Variants in LRRIQ3 observed in about 807,000 individuals in gnomAD.
LRRIQ3 encodes leucine rich repeats and IQ motif containing 3.
A neutral mutation model predicts 59.3 loss-of-function variants in LRRIQ3; 75 were observed. That is an observed-to-expected ratio of 1.26 (90% CI 1.05 to 1.53). The LOEUF is 1.53. Ranked by LOEUF, LRRIQ3 falls within the 40% of genes most tolerant of loss-of-function variation. The pLI is 0.00. For missense variants in LRRIQ3, 831 were observed against 710.0 expected (o/e 1.17, Z -1.94); for synonymous variants, 250 against 231.3 (o/e 1.08, Z -0.73).
At chr1:74,187,330 A>G (rs1251833627) in intron 1 of LRRIQ3, among the ~76,000 whole-genome samples, 2 of 144,976 alleles carry the variant, frequency 1.4e-5, no homozygotes, top group Admixed American at 1.4e-4. Flanking sequence ...AGATATATAG[A>G]TATATATATA....
chr1:74,141,265 T>C (rs1427624192), intron 4 of LRRIQ3, among the ~76,000 whole-genome samples: 5 of 151,988 alleles, frequency 3.3e-5, no homozygotes, highest in Non-Finnish European at 7.4e-5. Context: ...TCTCCAATAG[T>C]AAATTTTAAA....
chr1:74,038,002 G>A (rs918048269), intron 7 of LRRIQ3, among the ~76,000 whole-genome samples: 18 of 152,308 alleles, frequency 1.2e-4, no homozygotes, highest in African/African-American at 4.1e-4. Flanking sequence ...AGCTGCCTGA[G>A]GTCCTTAGGG....
intron 4 of LRRIQ3, among the ~76,000 whole-genome samples, chr1:74,132,817 G>C (rs1046353575): frequency 6.6e-6 from 1 of 152,156 alleles, no homozygotes; most frequent in African/African-American, 2.4e-5. Flanking sequence ...AGGACTTCAT[G>C]TCTAAAACAT....
intron 4 of LRRIQ3, among the ~76,000 whole-genome samples, chr1:74,111,630 A>T (rs1002236481): frequency 2.6e-5 from 4 of 152,054 alleles, no homozygotes; most frequent in Non-Finnish European, 5.9e-5. Context: ...TTTAAGTTAT[A>T]TATCTCTGGA....
At chr1:74,061,778 TA>T (rs1654728151) in intron 6 of LRRIQ3, among the ~76,000 whole-genome samples, 1 of 152,164 alleles carries the variant, frequency 6.6e-6, no homozygotes, top group South Asian at 2.1e-4. Flanking sequence ...CTTACACTAG[TA>T]GTCTCAGCAG....
Position 74,133,825 on chromosome 1 carries a change from C to G in LRRIQ3, c.707+21908G>C, listed in dbSNP as rs1647071933. Among the ~76,000 whole-genome samples, 4 of 151,948 alleles carry G rather than the reference C, an allele frequency of 2.6e-5. No individual in the cohort carries two copies. The South Asian group carries it at 8.3e-4, about 32-fold the overall frequency. On this transcript the variant is annotated intron_variant, in intron 4 of 7. Coordinates refer to ENST00000354431, the MANE Select transcript of LRRIQ3 (RefSeq NM_001105659.2). The stretch of plus-strand genomic sequence containing the variant: ...TGTATACATATGTAACAAACCTGCA[C>G]ATTGTGCACATGTACCCTAGAACTT...
intron 1 of LRRIQ3, among the ~76,000 whole-genome samples, chr1:74,186,667 G>T (rs1377467902): frequency 6.6e-6 from 1 of 152,044 alleles, no homozygotes; most frequent in African/African-American, 2.4e-5. Context: ...AGAGTTTGAG[G>T]AAGAAATGAA....
intron 4 of LRRIQ3, among the ~76,000 whole-genome samples, chr1:74,142,828 T>C (rs536771946): frequency 6.6e-6 from 1 of 152,078 alleles, no homozygotes; most frequent in East Asian, 1.9e-4. Flanking sequence ...ATTCTTGCCT[T>C]AAGTGCAGGA....
At chr1:74,110,792 A>G (rs1225052035) in intron 4 of LRRIQ3, among the ~76,000 whole-genome samples, 2 of 152,042 alleles carry the variant, frequency 1.3e-5, no homozygotes, top group African/African-American at 4.8e-5. Context: ...AAAATATACT[A>G]AGATAATACA....
intron 3 of LRRIQ3, among the ~76,000 whole-genome samples, chr1:74,177,730 A>G (rs545471231): frequency 6.6e-6 from 1 of 152,108 alleles, no homozygotes; most frequent in East Asian, 1.9e-4. Context: ...TATGTTTATT[A>G]CAGATCATAC....
intron 7 of LRRIQ3, among the ~76,000 whole-genome samples, chr1:74,035,657 T>A (rs558698314): frequency 6.6e-6 from 1 of 152,268 alleles, no homozygotes; most frequent in Non-Finnish European, 1.5e-5. Context: ...AATACATGTG[T>A]AAAATGCAAT....
intron 6 of LRRIQ3, among the ~76,000 whole-genome samples, chr1:74,064,095 T>G (rs1465048415): frequency 1.3e-5 from 2 of 151,832 alleles, no homozygotes; most frequent in Non-Finnish European, 2.9e-5. Flanking sequence ...CCCACTTTTG[T>G]GCATATTTAG....
chr1:74,105,948 T>C (rs890518214), intron 5 of LRRIQ3, among the ~76,000 whole-genome samples: 1 of 151,954 alleles, frequency 6.6e-6, no homozygotes, highest in East Asian at 1.9e-4. Flanking sequence ...TACAAAGCCA[T>C]AGAGTACAAG....
rs762558958 is a variant in LRRIQ3 at position 74,183,466 on chromosome 1, T to C, written c.219A>G (p.Lys73=). ...TDIHPLQSCI[K]LIKLDLHGNQ... is the part of the protein sequence containing the mutation. ...TTCCATGGAGATCAAGTTTGATTAA[T>C]TTTATACAACTTTGAAGTGGATGAA... is the stretch of plus-strand genomic sequence containing the variant. The change falls in exon 2 of 8, where the codon AAA becomes AAG. Residue 73 remains lysine (K), a synonymous_variant. Coordinates refer to ENST00000354431, the MANE Select transcript of LRRIQ3 (RefSeq NM_001105659.2). 8.8e-6 allele frequency: 14 copies of C among 1,596,090 alleles called. No individual in the cohort carries two copies. The East Asian group carries it at 9.1e-5, about 10-fold the overall frequency.
chr1:74,145,483 G>A (rs373999821), intron 4 of LRRIQ3, among the ~76,000 whole-genome samples: 123 of 152,160 alleles, frequency 8.1e-4, no homozygotes, highest in African/African-American at 2.6e-3. Context: ...GTTAGCTTCC[G>A]CTGTTTGCAA....
intron 5 of LRRIQ3, among the ~76,000 whole-genome samples, chr1:74,103,144 C>T (rs956401724): frequency 6.6e-6 from 1 of 151,918 alleles, no homozygotes; most frequent in African/African-American, 2.4e-5. Context: ...ATATGAGACC[C>T]ATTAGTTGCA....
intron 6 of LRRIQ3, among the ~76,000 whole-genome samples, chr1:74,071,020 C>CATAT (rs34448621): frequency 0.016 from 2,410 of 147,870 alleles, 64 homozygotes; most frequent in African/African-American, 0.057. Flanking sequence ...GCTATATATA[C>CATAT]ATATATATAT....
At chr1:74,182,382 T>C (rs1650032768) in intron 3 of LRRIQ3, 156 bp downstream of exon 3, 2 of 403,870 alleles carry the variant, frequency 5.0e-6, no homozygotes, top group Non-Finnish European at 8.3e-6. Flanking sequence ...AAGTTTCAGA[T>C]AGAAAGACAT....
chr1:74,195,283 A>G (rs1162568128), intron 1 of LRRIQ3, among the ~76,000 whole-genome samples: 2 of 152,218 alleles, frequency 1.3e-5, no homozygotes, highest in Middle Eastern at 3.2e-3. Flanking sequence ...AAGGACTGGA[A>G]ACAAGTACAG....
Sources: allele counts gnomAD v4.1 joint callset (sites outside exome capture counted in the v4.1 genomes callset), GRCh38; gene constraint gnomAD v4.1.1; transcripts MANE v1.5; gene names NCBI Gene and HGNC (gene_info 2026-07-23, HGNC 2026-07-21).